Variants in ARID5B observed in about 807,000 individuals in gnomAD.
The protein encoded by ARID5B is AT-rich interaction domain 5B, also known as AT-rich interactive domain-containing protein 5B.
In ARID5B, 13 loss-of-function variants were observed where a neutral mutation model predicts 97.2. The ratio of observed to expected loss-of-function variants is 0.13; its 90% confidence interval spans 0.09 to 0.21. The LOEUF (loss-of-function observed/expected upper bound fraction) is 0.21. Ranked by LOEUF, ARID5B falls within the 10% of genes least tolerant of loss-of-function variation. ARID5B has a pLI of 1.00. For missense variants in ARID5B, 1,210 were observed against 1,465.3 expected (o/e 0.83, Z 2.84); for synonymous variants, 556 against 570.3 (o/e 0.97, Z 0.36).
intron 2 of ARID5B, among the ~76,000 whole-genome samples, chr10:61,933,795 C>G (rs1387776102): frequency 6.6e-6 from 1 of 152,154 alleles, no homozygotes; most frequent in Middle Eastern, 3.2e-3. Flanking sequence ...TTAGCATAAT[C>G]CTGAAAGGCC....
At chr10:62,062,490 C>G (rs1172983435) in intron 7 of ARID5B, among the ~76,000 whole-genome samples, 1 of 152,138 alleles carries the variant, frequency 6.6e-6, no homozygotes, top group Admixed American at 6.5e-5. Flanking sequence ...CCAGTGATAA[C>G]AGTGATAAGT....
chr10:61,963,860 C>G (rs12246030), intron 3 of ARID5B, among the ~76,000 whole-genome samples: 3,780 of 151,890 alleles, frequency 0.025, 172 homozygotes, highest in African/African-American at 0.087. Flanking sequence ...ACCTGTGCCC[C>G]CAGTGTACCT....
At chr10:61,987,669 C>A (rs1226550830) in intron 3 of ARID5B, among the ~76,000 whole-genome samples, 2 of 152,176 alleles carry the variant, frequency 1.3e-5, no homozygotes, top group Non-Finnish European at 2.9e-5. Context: ...CAGCCAAAGA[C>A]AATATGTAAA....
At chr10:61,911,581 A>C (rs1380359046) in intron 2 of ARID5B, among the ~76,000 whole-genome samples, 1 of 152,200 alleles carries the variant, frequency 6.6e-6, no homozygotes, top group Non-Finnish European at 1.5e-5. Flanking sequence ...TATTCAAAAT[A>C]ATAGTGCTTC....
intron 3 of ARID5B, among the ~76,000 whole-genome samples, chr10:61,941,495 C>T (rs1227199912): frequency 2.0e-5 from 3 of 151,694 alleles, no homozygotes; most frequent in African/African-American, 7.3e-5. Context: ...CTATTTTACG[C>T]CTTAATGTGA....
chr10:62,079,650 G>A (rs571514650), intron 8 of ARID5B, among the ~76,000 whole-genome samples: 1 of 152,280 alleles, frequency 6.6e-6, no homozygotes, highest in East Asian at 1.9e-4. Context: ...CCACCTTGCT[G>A]TGTCCAGTAC....
intron 4 of ARID5B, among the ~76,000 whole-genome samples, chr10:62,048,422 G>A (rs1589273831): frequency 6.6e-6 from 1 of 152,334 alleles, no homozygotes; most frequent in Middle Eastern, 3.4e-3. Flanking sequence ...TCAGAGGGGA[G>A]AGTAGGAGAG....
rs1377886161 is a variant in ARID5B at position 62,096,233 on chromosome 10, A to G, written c.*3203A>G. The G allele has an allele frequency of 1.3e-5, 3 of 233,590 alleles. No homozygotes were observed. The highest frequency in any genetic ancestry group is 6.0e-5 in the East Asian group (1 of 16,592). The allele number at this position is 233,590 out of a possible 1,614,324, so 14.5% of individuals were successfully genotyped here. On this transcript the variant is annotated 3_prime_UTR_variant, in exon 10 of 10. Coordinates refer to ENST00000279873, the MANE Select transcript of ARID5B (RefSeq NM_032199.3). The stretch of plus-strand genomic sequence containing the variant: ...ACTTTACAACTTTCTGACCTGGTGC[A>G]TGAATTCTCAAGTACTGTATTTCAC...
chr10:62,092,166 G>C lies in ARID5B; in HGVS notation c.2703G>C (p.Thr901=). The change falls in exon 10 of 10, where the codon ACG becomes ACC. Residue 901 remains threonine, a synonymous_variant. Coordinates refer to ENST00000279873, the MANE Select transcript of ARID5B (RefSeq NM_032199.3). Reference sequence around the variant, plus strand: ...AGTCGGCGGCAGCAGAAGCCCCTACGGATGATCAGCCTACAGATCTGAGCC... The same window carrying C: ...AGTCGGCGGCAGCAGAAGCCCCTACCGATGATCAGCCTACAGATCTGAGCC... ...DKKSAAAEAP[T]DDQPTDLSLP... 6.2e-7 allele frequency: 1 copy of C among 1,609,090 alleles called. No individual in the cohort carries two copies. The highest frequency in any genetic ancestry group is 2.2e-5 in the East Asian group (1 of 44,864).
At chr10:62,082,077 G>A (rs563172365) in intron 8 of ARID5B, among the ~76,000 whole-genome samples, 3 of 152,002 alleles carry the variant, frequency 2.0e-5, no homozygotes, top group South Asian at 4.2e-4. Flanking sequence ...AAGAATCTCC[G>A]TGATAGCAAA....
chr10:61,988,475 T>C (rs1397444413), intron 3 of ARID5B, among the ~76,000 whole-genome samples: 2 of 152,198 alleles, frequency 1.3e-5, no homozygotes, highest in Non-Finnish European at 1.5e-5. Context: ...ATTTTTGTTA[T>C]TCACCAGAAA....
chr10:61,926,940 G>A (rs932519485), intron 2 of ARID5B, among the ~76,000 whole-genome samples: 2 of 152,136 alleles, frequency 1.3e-5, no homozygotes, highest in African/African-American at 4.8e-5. Context: ...CTATTATTAG[G>A]TTGGTGCAAA....
At position 62,095,088 on chromosome 10, in the gene ARID5B, C is replaced by A. The variant is rs1840448318; in HGVS notation, c.*2058C>A. 1.3e-5 allele frequency: 3 copies of A among 228,816 alleles called. No individual in the cohort carries two copies. The Admixed American group carries it at 1.7e-4, about 13-fold the overall frequency. The allele number at this position is 228,816 out of a possible 1,614,324, so 14.2% of individuals were successfully genotyped here. On this transcript the variant is annotated 3_prime_UTR_variant, in exon 10 of 10. Coordinates refer to ENST00000279873, the MANE Select transcript of ARID5B (RefSeq NM_032199.3). Reference sequence around the variant, plus strand: ...TCCATTTGCTTCAATTAATTATTTACCTTCCTGTGGAATAATATATATATA... The same window carrying A: ...TCCATTTGCTTCAATTAATTATTTAACTTCCTGTGGAATAATATATATATA...
At position 61,956,769 on chromosome 10, in the gene ARID5B, TTCTC is replaced by T. The variant is rs566795630; in HGVS notation, c.502+16364_502+16367del. Among the ~76,000 whole-genome samples, 514 of 152,304 alleles carry T rather than the reference TTCTC, an allele frequency of 3.4e-3. 1 individual carries two copies. The highest frequency in any genetic ancestry group is 0.01 in the South Asian group (49 of 4,824). On this transcript the variant is annotated intron_variant, in intron 3 of 9. Coordinates refer to ENST00000279873, the MANE Select transcript of ARID5B (RefSeq NM_032199.3). Reference sequence around the variant, plus strand: ...TAAAGAAAAGGTGACATCTCAATCTTTCTCTCCTTAATTTTACTTTTTATATAAC... The same window carrying T: ...TAAAGAAAAGGTGACATCTCAATCTTTCCTTAATTTTACTTTTTATATAAC...
chr10:61,945,885 A>G (rs933450204), intron 3 of ARID5B, among the ~76,000 whole-genome samples: 1 of 151,644 alleles, frequency 6.6e-6, no homozygotes, highest in African/African-American at 2.4e-5. Context: ...GTAATTTAGA[A>G]CAGGGTTTAC....
chr10:62,004,546 C>A (rs1839122215), intron 4 of ARID5B, among the ~76,000 whole-genome samples: 1 of 152,166 alleles, frequency 6.6e-6, no homozygotes, highest in African/African-American at 2.4e-5. Flanking sequence ...ATAATTCCTG[C>A]CTCCACCGTC....
chr10:62,009,874 G>C (rs568533674), intron 4 of ARID5B, among the ~76,000 whole-genome samples: 2 of 152,294 alleles, frequency 1.3e-5, no homozygotes, highest in East Asian at 3.9e-4. Context: ...TCTTCAACTG[G>C]ACCTTGAAGG....
chr10:62,087,589 C>A (rs1325729965), intron 9 of ARID5B, among the ~76,000 whole-genome samples: 1 of 150,182 alleles, frequency 6.7e-6, no homozygotes, highest in African/African-American at 2.4e-5. Context: ...TAGGATTCAA[C>A]CCCAGAGGGA....
intron 3 of ARID5B, among the ~76,000 whole-genome samples, chr10:61,959,823 C>T (rs906256705): frequency 3.3e-5 from 5 of 152,162 alleles, no homozygotes; most frequent in Admixed American, 6.5e-5. Context: ...GTCACCTAGT[C>T]TAGTGGGGCT....
Sources: gnomAD v4.1 joint callset for allele counts (sites outside exome capture counted in the v4.1 genomes callset) on GRCh38, gnomAD v4.1.1 for gene constraint, MANE v1.5 for transcripts, NCBI Gene and HGNC (gene_info 2026-07-23, HGNC 2026-07-21) for gene names.